The following PLA2G5 variants were observed in gnomAD, a reference collection of about 807,000 sequenced individuals.
PLA2G5 encodes Ca2+-dependent phospholipase A2.
A neutral mutation model predicts 15.9 loss-of-function variants in PLA2G5; 12 were observed. That is an observed-to-expected ratio of 0.76 (90% CI 0.48 to 1.23). PLA2G5 has a LOEUF of 1.23. Ranked by LOEUF, PLA2G5 falls within the 50% of genes most tolerant of loss-of-function variation. PLA2G5 has a pLI of 0.00. For missense variants in PLA2G5, 169 were observed against 177.1 expected (o/e 0.95, Z 0.26); for synonymous variants, 71 against 71.4 (o/e 0.99, Z 0.03).
At chr1:20,086,516 G>A (rs755117220) in intron 3 of PLA2G5, among the ~76,000 whole-genome samples, 4 of 152,114 alleles carry the variant, frequency 2.6e-5, no homozygotes, top group African/African-American at 9.7e-5. Flanking sequence ...ATGGCTTGTC[G>A]CAGCTTCAGC....
Position 20,090,799 on chromosome 1 carries a change from T to A in PLA2G5, c.*107T>A. ...GAGAGAGGCTCCTAAGTCACAGACC[T>A]CAGTCTTTCTCGAAGCTTGGCGGAC... On this transcript the variant is annotated 3_prime_UTR_variant, in exon 5 of 5. Coordinates refer to ENST00000375108, the MANE Select transcript of PLA2G5 (RefSeq NM_000929.3). 1 of 1,197,812 alleles carries A rather than the reference T, an allele frequency of 8.3e-7. No homozygotes were observed. Among genetic ancestry groups the A allele is most frequent in the Non-Finnish European group, 1.2e-6 (1 of 822,136 alleles). 74.2% of individuals were successfully genotyped at this position (1,197,812 alleles called of 1,614,324 possible).
chr1:20,049,201 G>T (rs914780058), intron 1 of PLA2G5, among the ~76,000 whole-genome samples: 15 of 152,094 alleles, frequency 9.9e-5, no homozygotes, highest in Admixed American at 2.0e-4. Context: ...AAGAAAGAGG[G>T]ATGTTCAGGA....
At chr1:20,053,121 ATG>A (rs936899746) in intron 1 of PLA2G5, among the ~76,000 whole-genome samples, 35 of 152,162 alleles carry the variant, frequency 2.3e-4, no homozygotes, top group African/African-American at 8.4e-4. Flanking sequence ...TGTGTCGTGG[ATG>A]TGTGTCATCA....
chr1:20,032,173 A>G (rs915746742), intron 1 of PLA2G5, among the ~76,000 whole-genome samples: 3 of 152,066 alleles, frequency 2.0e-5, no homozygotes, highest in Non-Finnish European at 4.4e-5. Context: ...GCTTAATTTT[A>G]CCTGAAGATT....
intron 1 of PLA2G5, among the ~76,000 whole-genome samples, chr1:20,032,291 G>A (rs1413290741): frequency 6.6e-6 from 1 of 152,084 alleles, no homozygotes; most frequent in Non-Finnish European, 1.5e-5. Flanking sequence ...GATAGAAGAG[G>A]GGAGTCCAAA....
In PLA2G5 at chr1:20,080,749, G is replaced by A. The variant is rs142074894; in HGVS notation, c.-10-4072G>A. On this transcript the variant is annotated intron_variant, in intron 1 of 4. Coordinates refer to ENST00000375108, the MANE Select transcript of PLA2G5 (RefSeq NM_000929.3). ...GACAGAGAGGTCTTTAAAACCAGGT[G>A]GGCCCAGCCCCGGCCTCTTCTGTGG... 2.6e-4 allele frequency among the ~76,000 whole-genome samples: 40 copies of A among 151,948 alleles called. 1 individual carries two copies. The highest frequency in any genetic ancestry group is 9.7e-4 in the African/African-American group (40 of 41,248).
intron 1 of PLA2G5, among the ~76,000 whole-genome samples, chr1:20,035,813 T>C (rs2013214898): frequency 6.6e-6 from 1 of 152,162 alleles, no homozygotes; most frequent in Admixed American, 6.5e-5. Context: ...TATTTCATTG[T>C]GTTACTGTTT....
At chr1:20,064,420 A>G (rs762813984) in intron 2 of PLA2G5, among the ~76,000 whole-genome samples, 1 of 151,916 alleles carries the variant, frequency 6.6e-6, no homozygotes, top group East Asian at 1.9e-4. Flanking sequence ...CTAAAAATAC[A>G]AAAAATTAGC....
upstream of PLA2G5, among the ~76,000 whole-genome samples, chr1:20,066,373 T>C (rs1320967660): frequency 3.9e-5 from 6 of 152,360 alleles, no homozygotes; most frequent in Admixed American, 3.9e-4. Context: ...GTGACTTTTG[T>C]ATTGTTCACA....
intron 1 of PLA2G5, among the ~76,000 whole-genome samples, chr1:20,046,564 C>G (rs1440044300): frequency 6.6e-6 from 1 of 152,142 alleles, no homozygotes; most frequent in Non-Finnish European, 1.5e-5. Flanking sequence ...TTAAATAATT[C>G]AGAACAAAGG....
Position 20,084,879 on chromosome 1 carries a change from T to C in PLA2G5, c.40+9T>C. On this transcript the variant is annotated intron_variant, in intron 2 of 4. Coordinates refer to ENST00000375108, the MANE Select transcript of PLA2G5 (RefSeq NM_000929.3). ...TTGGTTCCTGGCTTGTAGTAAGTGC[T>C]GGCCCCGTGACCTTCGAATGAACTT... 6.3e-7 allele frequency: 1 copy of C among 1,596,966 alleles called. No individual in the cohort carries two copies. The highest frequency in any genetic ancestry group is 8.6e-7 in the Non-Finnish European group (1 of 1,164,290).
upstream of PLA2G5, among the ~76,000 whole-genome samples, chr1:20,068,136 A>G (rs1557740713): frequency 6.6e-6 from 1 of 152,178 alleles, no homozygotes; most frequent in Non-Finnish European, 1.5e-5. Context: ...ATAAATAAAA[A>G]ATAAATACAT....
chr1:20,043,106 C>T (rs1357207848), intron 1 of PLA2G5, among the ~76,000 whole-genome samples: 1 of 151,858 alleles, frequency 6.6e-6, no homozygotes, highest in Non-Finnish European at 1.5e-5. Context: ...AGGGTCAGTC[C>T]AAGTAAAAGC....
chr1:20,039,069 T>C (rs1431975711), intron 1 of PLA2G5, among the ~76,000 whole-genome samples: 1 of 152,170 alleles, frequency 6.6e-6, no homozygotes, highest in Admixed American at 6.5e-5. Context: ...TGTGAACCTA[T>C]TGTGGCACCT....
At chr1:20,086,460 C>G (rs2016296473) in intron 3 of PLA2G5, among the ~76,000 whole-genome samples, 1 of 152,176 alleles carries the variant, frequency 6.6e-6, no homozygotes, top group South Asian at 2.1e-4. Context: ...CAGCACTGGT[C>G]ATTTACTTTG....
At position 20,081,415 on chromosome 1, in the gene PLA2G5, C is replaced by T. The variant is rs111263146; in HGVS notation, c.-10-3406C>T. On this transcript the variant is annotated intron_variant, in intron 1 of 4. Coordinates refer to ENST00000375108, the MANE Select transcript of PLA2G5 (RefSeq NM_000929.3). Reference sequence around the variant, plus strand: ...GAAATGATTGCCATTGAAAAGATAGCTTGTTATTTACAGCTCCCAGAAGAA... The same window carrying T: ...GAAATGATTGCCATTGAAAAGATAGTTTGTTATTTACAGCTCCCAGAAGAA... Among the ~76,000 whole-genome samples the T allele has an allele frequency of 4.6e-5, 7 of 150,912 alleles. No individual in the cohort carries two copies. The South Asian group carries it at 1.0e-3, about 23-fold the overall frequency.
At chr1:20,084,542 C>T (rs1271205487) in intron 1 of PLA2G5, among the ~76,000 whole-genome samples, 2 of 152,180 alleles carry the variant, frequency 1.3e-5, no homozygotes, top group Admixed American at 6.5e-5. Flanking sequence ...GCCATTTTGC[C>T]AACGGGGTGA....
chr1:20,084,925 G>A, intron 2 of PLA2G5, 55 bp downstream of exon 2: 1 of 1,279,686 alleles, frequency 7.8e-7, no homozygotes, highest in Non-Finnish European at 1.1e-6. Flanking sequence ...GGAGTAACAG[G>A]GTGGTGAAAA....
At chr1:20,029,844 G>GT (rs1465389675) in intron 1 of PLA2G5, among the ~76,000 whole-genome samples, 7 of 152,344 alleles carry the variant, frequency 4.6e-5, no homozygotes, top group Admixed American at 3.9e-4. Flanking sequence ...TGAAACACCA[G>GT]TGTGTATGTT....
Sources: gnomAD v4.1 joint callset for allele counts (sites outside exome capture counted in the v4.1 genomes callset) on GRCh38, gnomAD v4.1.1 for gene constraint, MANE v1.5 for transcripts, NCBI Gene and HGNC (gene_info 2026-07-23, HGNC 2026-07-21) for gene names.